The following SORCS1 variants were observed in gnomAD, a reference collection of about 807,000 sequenced individuals.
SORCS1 encodes sortilin related VPS10 domain containing receptor 1.
A neutral mutation model predicts 146.1 loss-of-function variants in SORCS1; 60 were observed. That is an observed-to-expected ratio of 0.41 (90% CI 0.33 to 0.51). The LOEUF (loss-of-function observed/expected upper bound fraction) is 0.51, where lower values mean the gene tolerates loss of function less well. Ranked by LOEUF, SORCS1 falls within the 20% of genes least tolerant of loss-of-function variation. The probability of loss-of-function intolerance (pLI) is 0.21; values close to 1 mark genes in which losing one functional copy is unlikely to be tolerated. For missense variants in SORCS1, 1,352 were observed against 1,487.6 expected (o/e 0.91, Z 1.50); for synonymous variants, 637 against 584.0 (o/e 1.09, Z -1.31).
At chr10:106,666,858 A>G (rs1021849228) in intron 17 of SORCS1, among the ~76,000 whole-genome samples, 3 of 152,044 alleles carry the variant, frequency 2.0e-5, no homozygotes, top group African/African-American at 7.2e-5. Flanking sequence ...GGCGTGAGCC[A>G]CTGCTCCTGG....
intron 1 of SORCS1, among the ~76,000 whole-genome samples, chr10:107,003,423 C>T (rs764490191): frequency 2.2e-5 from 3 of 134,688 alleles, no homozygotes; most frequent in South Asian, 2.4e-4. Context: ...ATAATAAATT[C>T]CCATAAGTGT....
intron 3 of SORCS1, among the ~76,000 whole-genome samples, chr10:106,822,345 T>C (rs1424764029): frequency 1.3e-5 from 2 of 152,178 alleles, no homozygotes; most frequent in Non-Finnish European, 2.9e-5. Flanking sequence ...GTGTTGTTTT[T>C]CTCTATGTTC....
chr10:106,999,531 A>G (rs940084436), intron 1 of SORCS1, among the ~76,000 whole-genome samples: 1 of 152,228 alleles, frequency 6.6e-6, no homozygotes, highest in African/African-American at 2.4e-5. Context: ...TACACAGAAG[A>G]AACAGGATTC....
In SORCS1 at chr10:107,047,051, C is replaced by T. The variant is rs534553246; in HGVS notation, c.559-90471G>A. On this transcript the variant is annotated intron_variant, in intron 1 of 25. Coordinates refer to ENST00000263054, the MANE Select transcript of SORCS1 (RefSeq NM_052918.5). ...TTGTCCATGCCAGAGTGCAGTGGCA[C>T]AATCTCATCTCACCGCAACCTCTGC... Among the ~76,000 whole-genome samples, 29 of 152,226 alleles carry T rather than the reference C, an allele frequency of 1.9e-4. No individual in the cohort carries two copies. In the East Asian group the frequency reaches 5.6e-3, roughly 29 times the overall value.
At chr10:106,652,205 T>C (rs900989771) in intron 18 of SORCS1, among the ~76,000 whole-genome samples, 177 bp downstream of exon 18, 3 of 151,766 alleles carry the variant, frequency 2.0e-5, no homozygotes, top group Admixed American at 2.0e-4. Context: ...ATTAAAGAAA[T>C]AGATCAGGGA....
intron 1 of SORCS1, among the ~76,000 whole-genome samples, chr10:107,124,947 CTTTT>C (rs1318765094): frequency 7.2e-6 from 1 of 139,544 alleles, no homozygotes; most frequent in African/African-American, 2.7e-5. Context: ...TCTTTCTTTT[CTTTT>C]TCTTTTTTTT....
chr10:107,104,255 T>TA (rs1391444587), intron 1 of SORCS1, among the ~76,000 whole-genome samples: 1 of 152,196 alleles, frequency 6.6e-6, no homozygotes, highest in Non-Finnish European at 1.5e-5. Flanking sequence ...CTTTGGGTTA[T>TA]ATTCAAGCAA....
upstream of SORCS1, among the ~76,000 whole-genome samples, chr10:107,165,292 A>AGTGTGTGTGT (rs3982278): frequency 0.11 from 15,739 of 142,608 alleles, 864 homozygotes; most frequent in Non-Finnish European, 0.12. This position sits in a 1 kb window ranked among gnomAD's most constrained non-coding sequence, Gnocchi z 4.0. Flanking sequence ...CTCGTGTGTG[A>AGTGTGTGTGT]GTGTGTGTGT....
At chr10:106,808,021 T>C (rs764346547) in intron 3 of SORCS1, among the ~76,000 whole-genome samples, 2 of 152,126 alleles carry the variant, frequency 1.3e-5, no homozygotes, top group Non-Finnish European at 1.5e-5. Flanking sequence ...ACTCTATTTT[T>C]ATTTATTTTT....
intron 1 of SORCS1, among the ~76,000 whole-genome samples, chr10:106,987,558 C>A (rs1456702251): frequency 1.3e-5 from 2 of 152,216 alleles, no homozygotes; most frequent in African/African-American, 2.4e-5. Flanking sequence ...GCATAGCCAC[C>A]CAATGCCTTA....
intron 1 of SORCS1, among the ~76,000 whole-genome samples, chr10:106,985,547 T>C (rs1380139011): frequency 6.6e-6 from 1 of 151,502 alleles, no homozygotes; most frequent in Non-Finnish European, 1.5e-5. Flanking sequence ...AGCTTTTTTT[T>C]TTTTTTTTTG....
intron 1 of SORCS1, among the ~76,000 whole-genome samples, chr10:106,992,980 C>T (rs1407868528): frequency 1.3e-5 from 2 of 151,782 alleles, no homozygotes; most frequent in African/African-American, 4.8e-5. Context: ...TACAGGCATG[C>T]ACCACCACGT....
At position 106,607,177 on chromosome 10, in the gene SORCS1, C is replaced by T. The variant is rs772704025; in HGVS notation, c.3154G>A (p.Asp1052Asn). The T allele has an allele frequency of 1.2e-6, 2 of 1,613,846 alleles. No homozygotes were observed. Among genetic ancestry groups the T allele is most frequent in the African/African-American group, 1.3e-5 (1 of 74,910 alleles). ...TCCAGGGGACTCACCTGCTCCAGGTCATCAGTTGACCTTTTGTTTTCTCCA... is the reference window on the plus strand; with the variant it reads ...TCCAGGGGACTCACCTGCTCCAGGTTATCAGTTGACCTTTTGTTTTCTCCA... The part of the protein sequence containing the change: ...PAGENKRSTD[D>N]LEQISELLIH... Residue 1052 changes from aspartate to asparagine, a missense_variant, in exon 23 of 26, where the codon GAC becomes AAC. By Grantham distance (23) the Asp-to-Asn change is conservative. Transcript: ENST00000263054.
At chr10:106,934,969 C>T (rs749679442) in intron 2 of SORCS1, among the ~76,000 whole-genome samples, 2 of 152,094 alleles carry the variant, frequency 1.3e-5, no homozygotes, top group African/African-American at 4.8e-5. Flanking sequence ...GCACAATATA[C>T]ACTACTCAGG....
At chr10:106,922,885 CCTTTT>C (rs1952782634) in intron 2 of SORCS1, among the ~76,000 whole-genome samples, 1 of 118,534 alleles carries the variant, frequency 8.4e-6, no homozygotes, top group Admixed American at 1.1e-4. Context: ...AACCATGCAG[CCTTTT>C]CTTTTTTTTT....
chr10:106,923,010 C>T (rs1345151244), intron 2 of SORCS1, among the ~76,000 whole-genome samples: 1 of 151,968 alleles, frequency 6.6e-6, no homozygotes, highest in Non-Finnish European at 1.5e-5. Flanking sequence ...TGCTTCAGCC[C>T]CCCGAGTAGC....
At chr10:106,769,247 A>T (rs12248611) in intron 4 of SORCS1, among the ~76,000 whole-genome samples, 1,712 of 152,252 alleles carry the variant, frequency 0.011, 39 homozygotes, top group African/African-American at 0.039. Context: ...GCACTTTGGG[A>T]GGCTGAGGCA....
intron 3 of SORCS1, among the ~76,000 whole-genome samples, chr10:106,793,292 G>A (rs1449191069): frequency 6.6e-6 from 1 of 152,190 alleles, no homozygotes; most frequent in African/African-American, 2.4e-5. Flanking sequence ...CGTGACAGGG[G>A]AATCACGTAT....
chr10:106,739,548 C>A (rs951442647), intron 5 of SORCS1, among the ~76,000 whole-genome samples: 111 of 151,740 alleles, frequency 7.3e-4, no homozygotes, highest in African/African-American at 2.6e-3. Flanking sequence ...GTGGCTCATG[C>A]CTGTAATCCC....
Sources: gnomAD v4.1 joint callset for allele counts (sites outside exome capture counted in the v4.1 genomes callset) on GRCh38, gnomAD v4.1.1 for gene constraint, Gnocchi (gnomAD v3.1) non-coding constraint, MANE v1.5 for transcripts, NCBI Gene and HGNC (gene_info 2026-07-23, HGNC 2026-07-21) for gene names.